The following AHI1 variants were observed in gnomAD, a reference collection of about 807,000 sequenced individuals.
The protein encoded by AHI1 is jouberin.
AHI1 carries 123 observed loss-of-function variants against 149.3 expected under a neutral mutation model. The observed-to-expected ratio is 0.82, with a 90% CI of 0.71 to 0.96. AHI1 has a LOEUF of 0.96. Ranked by LOEUF, AHI1 falls within the 40% of genes least tolerant of loss-of-function variation. The probability of loss-of-function intolerance (pLI) is 0.00; values close to 1 mark genes in which losing one functional copy is unlikely to be tolerated. For synonymous variants in AHI1, 475 were observed against 459.8 expected, an observed-to-expected ratio of 1.03 and a Z score of -0.42; for missense variants, 1,439 against 1,422.7, an observed-to-expected ratio of 1.01 and a Z score of -0.18.
At chr6:135,450,417 T>C (rs1787912349) in intron 11 of AHI1, among the ~76,000 whole-genome samples, 1 of 152,122 alleles carries the variant, frequency 6.6e-6, no homozygotes, top group African/African-American at 2.4e-5. Context: ...GATGGCAAAA[T>C]ATAGCCCATC....
At chr6:135,301,302 T>TA in intron 26 of AHI1, 2 of 973,232 alleles carry the variant, frequency 2.1e-6, no homozygotes, top group Non-Finnish European at 2.4e-6. Flanking sequence ...TTACTATGTT[T>TA]AAGTTCAATA....
At chr6:135,302,770 C>T (rs1784041339) in intron 26 of AHI1, 1 of 1,288,438 alleles carries the variant, frequency 7.8e-7, no homozygotes, top group Non-Finnish European at 1.0e-6. Flanking sequence ...GAGGCAGAAG[C>T]AGGGGGAAGA....
Position 135,463,183 on chromosome 6 carries a change from G to T in AHI1, c.873C>A (p.Asp291Glu). ...EISSMEQSTE[D>E]SMQDDTKPKP... ...TAGGTTTTGTATCATCTTGCATGCT[G>T]TCTTCTGTGCTTTGTTCCATTGAGC... Residue 291 changes from aspartate (D) to glutamate (E), a missense_variant, in exon 8 of 29, where the codon GAC becomes GAA. Coordinates refer to ENST00000265602, the MANE Select transcript of AHI1 (RefSeq NM_001134831.2). The T allele has an allele frequency of 6.2e-7, 1 of 1,607,024 alleles. No individual in the cohort carries two copies. The highest frequency in any genetic ancestry group is 8.5e-7 in the Non-Finnish European group (1 of 1,178,110).
At chr6:135,493,027 G>A in intron 3 of AHI1, 1 of 935,322 alleles carries the variant, frequency 1.1e-6, no homozygotes, top group Non-Finnish European at 1.3e-6. Context: ...GTTTGTTTTT[G>A]AGATGGAGTC....
chr6:135,479,920 G>A (rs1458113162), intron 5 of AHI1, among the ~76,000 whole-genome samples: 1 of 152,094 alleles, frequency 6.6e-6, no homozygotes, highest in Non-Finnish European at 1.5e-5. Context: ...AAAGTGTGTA[G>A]CACTTCTCCC....
chr6:135,377,563 C>G (rs1037528903), intron 23 of AHI1, among the ~76,000 whole-genome samples: 13 of 152,068 alleles, frequency 8.5e-5, no homozygotes, highest in African/African-American at 2.9e-4. Context: ...TCACTGCAGC[C>G]TTGATCTCCT....
At chr6:135,321,812 CT>C (rs34743137) in intron 25 of AHI1, among the ~76,000 whole-genome samples, 1 of 151,300 alleles carries the variant, frequency 6.6e-6, no homozygotes, top group African/African-American at 2.4e-5. Flanking sequence ...ACTTTTTTTT[CT>C]TTTTTTTGAG....
At chr6:135,393,998 G>A (rs984988159) in intron 23 of AHI1, among the ~76,000 whole-genome samples, 7 of 151,858 alleles carry the variant, frequency 4.6e-5, no homozygotes, top group Non-Finnish European at 8.8e-5. Flanking sequence ...ATACTTTCAA[G>A]GTAAAAAAGT....
At chr6:135,424,059 T>C (rs1583167269) in intron 20 of AHI1, among the ~76,000 whole-genome samples, 2 of 151,998 alleles carry the variant, frequency 1.3e-5, no homozygotes, top group South Asian at 2.1e-4. Flanking sequence ...GGAAACCACA[T>C]ACTCCACAGA....
chr6:135,335,465 CAGAG>C (rs773874572), intron 24 of AHI1, among the ~76,000 whole-genome samples: 1 of 151,612 alleles, frequency 6.6e-6, no homozygotes, highest in Non-Finnish European at 1.5e-5. Context: ...AAACCACTCT[CAGAG>C]AGCTTCCATT....
chr6:135,351,106 AC>A (rs1792027245), intron 24 of AHI1, among the ~76,000 whole-genome samples: 1 of 151,802 alleles, frequency 6.6e-6, no homozygotes, highest in African/African-American at 2.4e-5. Context: ...TATGCAATAA[AC>A]AAATACATAC....
chr6:135,497,120 AT>A (rs1346267528), intron 2 of AHI1, 67 bp downstream of exon 2: 2 of 152,174 alleles, frequency 1.3e-5, no homozygotes, highest in Non-Finnish European at 2.9e-5. Context: ...TTTTTGTTCT[AT>A]TTTTATGCAT....
intron 23 of AHI1, among the ~76,000 whole-genome samples, chr6:135,368,672 A>C (rs59278559): frequency 0.012 from 1,766 of 152,262 alleles, 38 homozygotes; most frequent in African/African-American, 0.04. Context: ...TCACCAGGGA[A>C]GTGAAGGAAA....
intron 22 of AHI1, among the ~76,000 whole-genome samples, chr6:135,400,514 G>A (rs1294630389): frequency 3.3e-5 from 5 of 151,956 alleles, no homozygotes; most frequent in Admixed American, 2.6e-4. Context: ...AGAGGTGTGT[G>A]GAGGGACAGA....
At chr6:135,303,347 G>A (rs1784124767) in intron 26 of AHI1, among the ~76,000 whole-genome samples, 1 of 152,128 alleles carries the variant, frequency 6.6e-6, no homozygotes. Flanking sequence ...ATACGGTATA[G>A]TTCTATTTTT....
At chr6:135,416,010 G>A (rs1782319729) in intron 20 of AHI1, among the ~76,000 whole-genome samples, 1 of 152,172 alleles carries the variant, frequency 6.6e-6, no homozygotes, top group East Asian at 1.9e-4. Context: ...GAACACAAAA[G>A]GGCACAAAGT....
chr6:135,455,561 T>C (rs1217988503), intron 10 of AHI1, among the ~76,000 whole-genome samples, 173 bp downstream of exon 10: 3 of 152,222 alleles, frequency 2.0e-5, no homozygotes, highest in Non-Finnish European at 2.9e-5. Flanking sequence ...GCTATCACTG[T>C]TTATAAAAGG....
chr6:135,445,752 T>A (rs1445518972), intron 13 of AHI1, among the ~76,000 whole-genome samples: 1 of 152,102 alleles, frequency 6.6e-6, no homozygotes, highest in Non-Finnish European at 1.5e-5. Context: ...AAAAAAATTT[T>A]TTTTAAAAGA....
chr6:135,453,645 A>G (rs1470388478), intron 10 of AHI1, among the ~76,000 whole-genome samples: 1 of 152,178 alleles, frequency 6.6e-6, no homozygotes, highest in Non-Finnish European at 1.5e-5. Flanking sequence ...TCTTTCATTA[A>G]TAAATACTAT....
Sources: gnomAD v4.1 joint callset for allele counts (sites outside exome capture counted in the v4.1 genomes callset) on GRCh38, gnomAD v4.1.1 for gene constraint, MANE v1.5 for transcripts, NCBI Gene and HGNC (gene_info 2026-07-23, HGNC 2026-07-21) for gene names.